Variants in STK38L observed in about 807,000 individuals in gnomAD.
The protein encoded by STK38L is serine/threonine kinase 38 like.
Under a neutral mutation model 59.7 loss-of-function variants are expected in STK38L, and 28 were observed. The ratio of observed to expected loss-of-function variants is 0.47; its 90% CI spans 0.35 to 0.64. The LOEUF is 0.64. STK38L is among the 30% of genes least tolerant of loss of function. The pLI, the probability that STK38L is intolerant of heterozygous loss-of-function variation, is 0.01. For missense variants in STK38L, 314 were observed against 555.8 expected (o/e 0.56, Z 4.37); for synonymous variants, 162 against 176.8 (o/e 0.92, Z 0.66).
intron 7 of STK38L, 25 bp downstream of exon 7, chr12:27,314,683 C>A: frequency 6.4e-7 from 1 of 1,562,394 alleles, no homozygotes. Context: ...TGGTGAATTA[C>A]TAGGCTGTTG....
chr12:27,264,634 G>A (rs1439309115), intron 1 of STK38L, among the ~76,000 whole-genome samples: 2 of 152,050 alleles, frequency 1.3e-5, no homozygotes, highest in Admixed American at 6.6e-5. Context: ...AAACAGCATG[G>A]TATACCAACT....
At chr12:27,268,571 A>G (rs575448828) in intron 1 of STK38L, among the ~76,000 whole-genome samples, 60 of 152,340 alleles carry the variant, frequency 3.9e-4, no homozygotes, top group African/African-American at 1.4e-3. Flanking sequence ...TAGTGCCACA[A>G]TAAACATACG....
chr12:27,264,365 G>A (rs1292096762), intron 1 of STK38L, among the ~76,000 whole-genome samples: 4 of 152,168 alleles, frequency 2.6e-5, no homozygotes, highest in Admixed American at 2.6e-4. Flanking sequence ...GAAGAATAAG[G>A]TGGGATGAAA....
At chr12:27,286,476 G>A (rs1943775795) in intron 1 of STK38L, among the ~76,000 whole-genome samples, 1 of 152,034 alleles carries the variant, frequency 6.6e-6, no homozygotes, top group South Asian at 2.1e-4. Context: ...ATAGAACTTT[G>A]TATCCTGCTT....
intron 1 of STK38L, among the ~76,000 whole-genome samples, chr12:27,261,089 C>A (rs1011169498): frequency 6.6e-6 from 1 of 152,182 alleles, no homozygotes; most frequent in African/African-American, 2.4e-5. Context: ...AATTGCTCTC[C>A]GGTTTCCCAG....
At chr12:27,314,986 T>C in intron 7 of STK38L, 29 bp from the exon 8 acceptor site, 1 of 1,525,444 alleles carries the variant, frequency 6.6e-7, no homozygotes, top group East Asian at 2.3e-5. Flanking sequence ...AAAGTTAATA[T>C]GATCTAATTT....
intron 1 of STK38L, among the ~76,000 whole-genome samples, chr12:27,247,251 G>T (rs999168187): frequency 6.6e-6 from 1 of 152,164 alleles, no homozygotes; most frequent in African/African-American, 2.4e-5. Context: ...AGTAACTGTG[G>T]TACTAAGGTT....
In STK38L at chr12:27,315,050, G is replaced by A; in HGVS notation, c.708G>A (p.Thr236=). ...HVKLSDFGLC[T]GLKKAHRTEF... ...AATTATCTGATTTTGGTTTATGTAC[G>A]GGATTAAAGAAAGCTCACAGGACTG... Residue 236 remains threonine (T), a synonymous_variant, in exon 8 of 14, where the codon ACG becomes ACA. Coordinates refer to ENST00000389032, the MANE Select transcript of STK38L (RefSeq NM_015000.4). 1 of 1,612,320 alleles carries A rather than the reference G, an allele frequency of 6.2e-7. No homozygotes were observed. Among genetic ancestry groups the A allele is most frequent in the Non-Finnish European group, 8.5e-7 (1 of 1,179,382 alleles).
chr12:27,253,807 A>C (rs964909355), intron 1 of STK38L, among the ~76,000 whole-genome samples: 1 of 152,232 alleles, frequency 6.6e-6, no homozygotes, highest in Non-Finnish European at 1.5e-5. Flanking sequence ...AGGGGGCCAC[A>C]GGAACCGGAA....
intron 2 of STK38L, 73 bp downstream of exon 2, chr12:27,297,927 T>TATCA (rs1944066498): frequency 1.3e-6 from 2 of 1,548,770 alleles, no homozygotes; most frequent in East Asian, 4.5e-5. Flanking sequence ...AGAAACTTGT[T>TATCA]TACCATGAAT....
chr12:27,317,913 T>C lies in STK38L; in HGVS notation c.973T>C (p.Ser325Pro). ...ATACATAGGATATCCACCTTTCTGC[T>C]CTGAAACACCTCAAGAAACGTACAG... ...EMLIGYPPFC[S>P]ETPQETYRKV... Residue 325 changes from serine to proline, a missense_variant, in exon 11 of 14, where the codon TCT (serine) becomes CCT (proline). By Grantham distance (74) the Ser-to-Pro change is moderately conservative. Around this residue, in one of 3 missense-constraint regions of STK38L, gnomAD observed 28 missense variants for 96.7 expected, o/e 0.29. Coordinates refer to ENST00000389032, the MANE Select transcript of STK38L (RefSeq NM_015000.4). 1 of 1,613,854 alleles carries C rather than the reference T, an allele frequency of 6.2e-7. No individual in the cohort carries two copies. The highest frequency in any genetic ancestry group is 8.5e-7 in the Non-Finnish European group (1 of 1,179,874).
chr12:27,286,434 T>C (rs1230205043), intron 1 of STK38L, among the ~76,000 whole-genome samples: 1 of 152,232 alleles, frequency 6.6e-6, no homozygotes, highest in East Asian at 1.9e-4. Flanking sequence ...CTCTCCCATT[T>C]TTGTATAGTT....
At chr12:27,259,647 T>C (rs574377441) in intron 1 of STK38L, among the ~76,000 whole-genome samples, 2 of 152,148 alleles carry the variant, frequency 1.3e-5, no homozygotes, top group South Asian at 4.2e-4. Flanking sequence ...TTTCCCCCCC[T>C]TTTTTTTCCT....
chr12:27,298,282 AC>A (rs1944077675), intron 2 of STK38L: 1 of 154,256 alleles, frequency 6.5e-6, no homozygotes, highest in Admixed American at 6.4e-5. Context: ...TACTGAAAAT[AC>A]AAAAAATTAG....
At chr12:27,283,168 C>A (rs897473106) in intron 1 of STK38L, among the ~76,000 whole-genome samples, 2 of 152,054 alleles carry the variant, frequency 1.3e-5, no homozygotes, top group African/African-American at 4.8e-5. Context: ...ATCGTAGACA[C>A]CTTTCAAAAA....
intron 1 of STK38L, among the ~76,000 whole-genome samples, chr12:27,265,986 T>C (rs1266755146): frequency 6.6e-6 from 1 of 152,212 alleles, no homozygotes; most frequent in Non-Finnish European, 1.5e-5. Context: ...AAAAGTCTGC[T>C]ACCCTTCACC....
At chr12:27,273,977 G>T (rs113126502) in intron 1 of STK38L, among the ~76,000 whole-genome samples, 5,539 of 151,986 alleles carry the variant, frequency 0.036, 119 homozygotes, top group South Asian at 0.092. Context: ...TTTTTGGGCC[G>T]GGTGCGGTGG....
chr12:27,315,141 TC>T (rs753887680), intron 8 of STK38L, 24 bp downstream of exon 8: 3 of 1,602,872 alleles, frequency 1.9e-6, no homozygotes, highest in African/African-American at 2.7e-5. Context: ...TTGTTTTTCT[TC>T]TTTCCCCTGG....
chr12:27,247,814 A>ATTTTTTTTTTTTTTTTT (rs11448972), intron 1 of STK38L, among the ~76,000 whole-genome samples: 1 of 126,598 alleles, frequency 7.9e-6, no homozygotes, highest in Admixed American at 8.0e-5. Context: ...TTGTTCTGTA[A>ATTTTTTTTTTTTTTTTT]TTTTTTTTTT....
Sources: gnomAD v4.1 joint callset for allele counts (sites outside exome capture counted in the v4.1 genomes callset) on GRCh38, gnomAD v4.1.1 for gene constraint, gnomAD v4.1.1 regional missense constraint, MANE v1.5 for transcripts, NCBI Gene and HGNC (gene_info 2026-07-23, HGNC 2026-07-21) for gene names.